Variants in DOCK10 observed in about 807,000 individuals in gnomAD.
DOCK10 encodes the protein dedicator of cytokinesis protein 10.
Under a neutral mutation model 280.1 loss-of-function variants are expected in DOCK10, and 145 were observed. That is an observed-to-expected ratio of 0.52 (90% CI 0.45 to 0.59). The LOEUF is 0.59. Ranked by LOEUF, DOCK10 falls within the 20% of genes least tolerant of loss-of-function variation. The probability of loss-of-function intolerance (pLI) is 0.00; values close to 1 mark genes in which losing one functional copy is unlikely to be tolerated. For missense variants in DOCK10, 2,368 were observed against 2,651.7 expected (o/e 0.89, Z 2.35); for synonymous variants, 915 against 942.2 (o/e 0.97, Z 0.53).
intron 1 of DOCK10, among the ~76,000 whole-genome samples, chr2:224,938,405 C>T (rs1043860874): frequency 2.0e-5 from 3 of 152,124 alleles, no homozygotes; most frequent in Admixed American, 2.0e-4. Flanking sequence ...TAGTTTGGTA[C>T]CAATAGAGTA....
At chr2:224,923,170 G>A (rs11694713) in intron 2 of DOCK10, among the ~76,000 whole-genome samples, 35,058 of 152,010 alleles carry the variant, frequency 0.23, 4,535 homozygotes, top group Non-Finnish European at 0.28. Context: ...TGCTGGGGTT[G>A]AACTGTATGG....
chr2:224,920,255 G>C (rs1044966659), intron 2 of DOCK10, among the ~76,000 whole-genome samples: 3 of 66,122 alleles, frequency 4.5e-5, no homozygotes, highest in African/African-American at 1.9e-4. Flanking sequence ...TTTTTTTTTT[G>C]TAGAGACAGG....
At chr2:224,995,987 T>C (rs917506848) in intron 1 of DOCK10, among the ~76,000 whole-genome samples, 3 of 152,238 alleles carry the variant, frequency 2.0e-5, no homozygotes, top group African/African-American at 7.2e-5. Flanking sequence ...TGTTATTAAC[T>C]TCCTTGGAAC....
chr2:224,863,671 C>G (rs1316361884), intron 13 of DOCK10, among the ~76,000 whole-genome samples: 1 of 152,152 alleles, frequency 6.6e-6, no homozygotes, highest in East Asian at 1.9e-4. Flanking sequence ...CCAGGATGGT[C>G]TCCATCTCTT....
rs373272756 is a variant in DOCK10, at chr2:225,014,697, A to C, written c.123+27555T>G. ...TCTCCGCTTAGTTTTAATATGGCTA[A>C]ATTTATATATTTTTCTTTTTCTTAC... On this transcript the variant is annotated intron_variant, in intron 1 of 55. Coordinates refer to ENST00000258390, the MANE Select transcript of DOCK10 (RefSeq NM_014689.3). Among the ~76,000 whole-genome samples, 7 of 152,108 alleles carry C rather than the reference A, an allele frequency of 4.6e-5. No homozygotes were observed. In the East Asian group the frequency reaches 1.3e-3, roughly 29 times the overall value.
rs199664532 is a variant in DOCK10 at position 224,888,559 on chromosome 2, TTGTC to T, written c.417-2032_417-2029del. Among the ~76,000 whole-genome samples the T allele has an allele frequency of 9.2e-3, 1,404 of 152,020 alleles. 14 individuals carry two copies. Among genetic ancestry groups the T allele is most frequent in the African/African-American group, 0.03 (1,261 of 41,474 alleles). ...AGGAGGTTTCAATGTATATGTGTGT[TTGTC>T]TGTGTGTGTATGTATATACGTGTGT... On this transcript the variant is annotated intron_variant, in intron 4 of 55. Transcript: ENST00000258390.
chr2:225,022,795 C>T (rs1226318978), intron 1 of DOCK10, among the ~76,000 whole-genome samples: 4 of 152,118 alleles, frequency 2.6e-5, no homozygotes, highest in Admixed American at 6.6e-5. Context: ...GCTCTTTTGT[C>T]CCTAGATTTG....
At chr2:224,829,273 G>T (rs1397132362) in intron 27 of DOCK10, among the ~76,000 whole-genome samples, 4 of 152,146 alleles carry the variant, frequency 2.6e-5, no homozygotes, top group African/African-American at 9.7e-5. Context: ...AGATCCACTG[G>T]GTTCAAAGAT....
chr2:224,765,396 A>G lies in DOCK10; in HGVS notation c.*325T>C. ...ATGCTTAAATGTTACAAAAACATTCACTTTAACCTTTAAAATATGTGTACT... is the reference window on the plus strand; with the variant it reads ...ATGCTTAAATGTTACAAAAACATTCGCTTTAACCTTTAAAATATGTGTACT... On this transcript the variant is annotated 3_prime_UTR_variant, in exon 56 of 56. Coordinates refer to ENST00000258390, the MANE Select transcript of DOCK10 (RefSeq NM_014689.3). 5.4e-6 allele frequency: 1 copy of G among 186,704 alleles called. No homozygotes were observed. Among genetic ancestry groups the G allele is most frequent in the Non-Finnish European group, 1.1e-5 (1 of 90,878 alleles). The allele number at this position is 186,704 out of a possible 1,614,324, so 11.6% of individuals were successfully genotyped here. A position where few individuals can be genotyped will look rare whatever the true frequency, so the allele number is the denominator to read the frequency against.
intron 2 of DOCK10, among the ~76,000 whole-genome samples, chr2:224,926,764 C>T (rs1222105396): frequency 6.6e-6 from 1 of 152,152 alleles, no homozygotes; most frequent in Admixed American, 6.5e-5. Context: ...TCAGAAAAGC[C>T]TTTTGGTTCC....
intron 28 of DOCK10, among the ~76,000 whole-genome samples, chr2:224,821,990 T>C (rs1694538152): frequency 6.6e-6 from 1 of 152,172 alleles, no homozygotes; most frequent in African/African-American, 2.4e-5. Context: ...TGAAATAGTT[T>C]TTAACACATT....
intron 2 of DOCK10, among the ~76,000 whole-genome samples, 179 bp downstream of exon 2, chr2:224,931,370 T>C (rs1217423769): frequency 1.3e-5 from 2 of 152,150 alleles, no homozygotes; most frequent in Non-Finnish European, 2.9e-5. Context: ...CAGCCTCCAA[T>C]CTTTCAACTT....
intron 29 of DOCK10, among the ~76,000 whole-genome samples, chr2:224,818,599 C>T (rs1298273359): frequency 2.0e-5 from 3 of 152,034 alleles, no homozygotes; most frequent in African/African-American, 4.8e-5. Context: ...AGGGTTTCAC[C>T]GTGTTAGCCA....
At chr2:225,036,130 G>A (rs1047449178) in intron 1 of DOCK10, among the ~76,000 whole-genome samples, 8 of 152,162 alleles carry the variant, frequency 5.3e-5, no homozygotes, top group African/African-American at 1.7e-4. Context: ...CACATGTTTA[G>A]GGTATGAAGT....
intron 1 of DOCK10, among the ~76,000 whole-genome samples, chr2:225,005,021 C>T (rs181885471): frequency 8.5e-4 from 130 of 152,276 alleles, no homozygotes; most frequent in African/African-American, 3.0e-3. Flanking sequence ...CAATCAACCC[C>T]TTCATGAAAC....
At chr2:224,871,080 G>A (rs1385473147) in intron 11 of DOCK10, among the ~76,000 whole-genome samples, 1 of 151,998 alleles carries the variant, frequency 6.6e-6, no homozygotes, top group African/African-American at 2.4e-5. Context: ...GCCTGCCTTG[G>A]CCTCCCAAAG....
chr2:224,950,136 T>C (rs1437381558), intron 1 of DOCK10, among the ~76,000 whole-genome samples: 1 of 152,216 alleles, frequency 6.6e-6, no homozygotes, highest in African/African-American at 2.4e-5. Context: ...ATTCGGTAGC[T>C]ACATGCAGGC....
At chr2:224,941,047 C>A (rs12995331) in intron 1 of DOCK10, among the ~76,000 whole-genome samples, 44,891 of 151,976 alleles carry the variant, frequency 0.3, 7,173 homozygotes, top group Middle Eastern at 0.36. Context: ...ATATGCACTA[C>A]CATTTTAAAA....
At chr2:224,976,016 G>T (rs1279836153) in intron 1 of DOCK10, among the ~76,000 whole-genome samples, 1 of 152,154 alleles carries the variant, frequency 6.6e-6, no homozygotes, top group Non-Finnish European at 1.5e-5. Context: ...GGGATACAAT[G>T]AATTCTGACC....
Sources: allele counts gnomAD v4.1 joint callset (sites outside exome capture counted in the v4.1 genomes callset), GRCh38; gene constraint gnomAD v4.1.1; transcripts MANE v1.5; gene names NCBI Gene and HGNC (gene_info 2026-07-23, HGNC 2026-07-21).